Variants in HIPK2 observed in about 807,000 individuals in gnomAD.
HIPK2 encodes the protein homeodomain-interacting protein kinase 2.
A neutral mutation model predicts 113.7 loss-of-function variants in HIPK2; 27 were observed. That is an observed-to-expected ratio of 0.24 (90% CI 0.17 to 0.33). HIPK2 has a LOEUF of 0.33. Ranked by LOEUF, HIPK2 falls within the 10% of genes least tolerant of loss-of-function variation. HIPK2 has a pLI of 1.00. For missense variants in HIPK2, 1,257 were observed against 1,588.0 expected (o/e 0.79, Z 3.54); for synonymous variants, 631 against 642.2 (o/e 0.98, Z 0.26).
At chr7:139,604,707 AAAG>A (rs1799561622) in intron 9 of HIPK2, among the ~76,000 whole-genome samples, 2 of 151,560 alleles carry the variant, frequency 1.3e-5, no homozygotes, top group African/African-American at 2.4e-5. Flanking sequence ...AAAAAAAAAA[AAAG>A]AACATATATG....
At chr7:139,675,798 C>A (rs1802477366) in intron 2 of HIPK2, among the ~76,000 whole-genome samples, 1 of 152,134 alleles carries the variant, frequency 6.6e-6, no homozygotes. Flanking sequence ...AAGGACAAGG[C>A]TTTCTGGCCT....
chr7:139,717,738 TG>T (rs1271917763), intron 1 of HIPK2, among the ~76,000 whole-genome samples: 9 of 148,834 alleles, frequency 6.0e-5, no homozygotes, highest in South Asian at 2.1e-4. Flanking sequence ...TGTTTTTTTT[TG>T]TTTGTTTGTT....
At position 139,709,282 on chromosome 7, in the gene HIPK2, A is replaced by G. The variant is rs1031788757; in HGVS notation, c.1103+6650T>C. ...TTCTCCTGTTGTTTCTATTAGTAAA[A>G]GACAAATTAATTTTAAAAGTTCATG... is the stretch of plus-strand genomic sequence containing the variant. On this transcript the variant is annotated intron_variant, in intron 2 of 14. Coordinates refer to ENST00000406875, the MANE Select transcript of HIPK2 (RefSeq NM_022740.5). Among the ~76,000 whole-genome samples, 3 of 152,360 alleles carry G rather than the reference A, an allele frequency of 2.0e-5. No homozygotes were observed. In the South Asian group the frequency reaches 6.2e-4, roughly 32 times the overall value.
chr7:139,590,455 C>T (rs1798980049), intron 12 of HIPK2, among the ~76,000 whole-genome samples: 1 of 152,116 alleles, frequency 6.6e-6, no homozygotes, highest in Non-Finnish European at 1.5e-5. Flanking sequence ...TGGAATGTGT[C>T]TCTGATTTCT....
chr7:139,573,348 T>G lies in HIPK2; in HGVS notation c.3176A>C (p.Gln1059Pro), dbSNP rs1585224480. 6.2e-7 allele frequency: 1 copy of G among 1,605,528 alleles called. No homozygotes were observed. The change falls in exon 15 of 15, where the codon CAG becomes CCG. Residue 1059 changes from glutamine (Q) to proline (P), a missense_variant. Gln to Pro is a moderately conservative substitution (Grantham distance 76). Transcript: ENST00000406875. ...GGCCATGGTGGGAGTGATGTAGGCC[T>G]GCTGCCTTCGGTGGCTCCCAGTGCG... The part of the protein sequence containing the change: ...TDRTGSHRRQ[Q>P]AYITPTMAQA...
At chr7:139,754,178 C>A (rs984941202) in intron 1 of HIPK2, among the ~76,000 whole-genome samples, 2 of 152,174 alleles carry the variant, frequency 1.3e-5, no homozygotes, top group African/African-American at 4.8e-5. Flanking sequence ...AATGGGAGGG[C>A]TAGAAAGAGG....
chr7:139,725,422 G>A (rs1795547415), intron 1 of HIPK2, among the ~76,000 whole-genome samples: 1 of 152,214 alleles, frequency 6.6e-6, no homozygotes, highest in Non-Finnish European at 1.5e-5. Flanking sequence ...TGCGGTCTCT[G>A]TACTAGAAAG....
At chr7:139,678,258 C>G (rs1334261874) in intron 2 of HIPK2, among the ~76,000 whole-genome samples, 2 of 152,152 alleles carry the variant, frequency 1.3e-5, no homozygotes, top group African/African-American at 4.8e-5. Context: ...GCTTTTGTTG[C>G]CATTGCTTTT....
chr7:139,646,200 A>G (rs1801215159), intron 2 of HIPK2, among the ~76,000 whole-genome samples: 1 of 152,168 alleles, frequency 6.6e-6, no homozygotes, highest in South Asian at 2.1e-4. Context: ...GTAAGGGAAC[A>G]AACGGTTCCC....
At chr7:139,585,907 C>G (rs1798818440) in intron 12 of HIPK2, among the ~76,000 whole-genome samples, 1 of 152,074 alleles carries the variant, frequency 6.6e-6, no homozygotes, top group Admixed American at 6.6e-5. Flanking sequence ...CTCATGATAT[C>G]TCGGAGATCT....
At chr7:139,615,968 C>T (rs966440522) in intron 7 of HIPK2, among the ~76,000 whole-genome samples, 2 of 152,152 alleles carry the variant, frequency 1.3e-5, no homozygotes, top group African/African-American at 4.8e-5. Flanking sequence ...TGTCAGATGA[C>T]ATGACTTGTA....
rs915409463 is a variant in HIPK2, at chr7:139,714,706, C to T, written c.1103+1226G>A. Among the ~76,000 whole-genome samples, 1 of 152,226 alleles carries T rather than the reference C, an allele frequency of 6.6e-6. No individual in the cohort carries two copies. The highest frequency in any genetic ancestry group is 1.5e-5 in the Non-Finnish European group (1 of 68,032). ...CCTACGTGGCACGCTCTTAAATGTGCATCCGTCCCATCTTCTCATGGGAGT... is the reference window on the plus strand; with the variant it reads ...CCTACGTGGCACGCTCTTAAATGTGTATCCGTCCCATCTTCTCATGGGAGT... On this transcript the variant is annotated intron_variant, in intron 2 of 14. Coordinates refer to ENST00000406875, the MANE Select transcript of HIPK2 (RefSeq NM_022740.5). This position sits in a 1 kb window ranked among gnomAD's most constrained non-coding sequence, Gnocchi z 4.2.
At position 139,572,665 on chromosome 7, in the gene HIPK2, T is replaced by G; in HGVS notation, c.*262A>C. The G allele has an allele frequency of 2.6e-6, 1 of 382,450 alleles. No homozygotes were observed. Among genetic ancestry groups the G allele is most frequent in the Non-Finnish European group, 4.7e-6 (1 of 215,022 alleles). 23.7% of individuals were successfully genotyped at this position (382,450 alleles called of 1,614,324 possible). On this transcript the variant is annotated 3_prime_UTR_variant, in exon 15 of 15. Coordinates refer to ENST00000406875, the MANE Select transcript of HIPK2 (RefSeq NM_022740.5). ...AAAAACCATAGATTTCCCACCCTCT[T>G]TAATCCCTTCCTTTTAAAAATGTTC...
At chr7:139,625,375 CATT>C (rs59991241) in intron 6 of HIPK2, among the ~76,000 whole-genome samples, 18,899 of 152,158 alleles carry the variant, frequency 0.12, 1,258 homozygotes, top group African/African-American at 0.17. Flanking sequence ...TTTCCAGACT[CATT>C]TGACTTGTGT....
At chr7:139,739,618 T>C (rs574653448) in intron 1 of HIPK2, among the ~76,000 whole-genome samples, 13 of 151,898 alleles carry the variant, frequency 8.6e-5, no homozygotes, top group Non-Finnish European at 1.6e-4. Flanking sequence ...TCAGTGGTTT[T>C]GAACACAATT....
chr7:139,719,292 A>G (rs1044456246), intron 1 of HIPK2, among the ~76,000 whole-genome samples: 10 of 152,038 alleles, frequency 6.6e-5, no homozygotes, highest in Non-Finnish European at 1.3e-4. Flanking sequence ...TTTTTAGTAG[A>G]GACGGGGTTT....
chr7:139,615,442 C>T (rs1800005147), intron 7 of HIPK2, among the ~76,000 whole-genome samples: 1 of 152,192 alleles, frequency 6.6e-6, no homozygotes, highest in Non-Finnish European at 1.5e-5. Flanking sequence ...GACATTATGT[C>T]CTCTTGCCTT....
intron 2 of HIPK2, among the ~76,000 whole-genome samples, chr7:139,643,026 C>T (rs963354737): frequency 6.6e-6 from 1 of 152,122 alleles, no homozygotes; most frequent in Non-Finnish European, 1.5e-5. Context: ...CACGTAGAAC[C>T]ACTGTTGCAG....
chr7:139,675,211 C>T (rs1250147306), intron 2 of HIPK2, among the ~76,000 whole-genome samples: 1 of 152,132 alleles, frequency 6.6e-6, no homozygotes, highest in Non-Finnish European at 1.5e-5. Flanking sequence ...ACATCCTGCT[C>T]AGTGACTGTG....
Sources: allele counts gnomAD v4.1 joint callset (sites outside exome capture counted in the v4.1 genomes callset), GRCh38; gene constraint gnomAD v4.1.1; non-coding constraint Gnocchi (gnomAD v3.1); transcripts MANE v1.5; gene names NCBI Gene and HGNC (gene_info 2026-07-23, HGNC 2026-07-21).